ACO2: variants seen among roughly 807,000 people sequenced by gnomAD.
ACO2 encodes aconitate hydratase, mitochondrial.
Under a neutral mutation model 84.5 loss-of-function variants are expected in ACO2, and 31 were observed. That is an observed-to-expected ratio of 0.37 (90% CI 0.28 to 0.50). The LOEUF is 0.50. Among genes scored for constraint, ACO2 ranks in the 20% least tolerant of loss-of-function variants. ACO2 has a pLI of 0.97. For missense variants in ACO2, 685 were observed against 1,029.3 expected, an observed-to-expected ratio of 0.67 and a Z score of 4.58; for synonymous variants, 414 against 412.7, an observed-to-expected ratio of 1.00 and a Z score of -0.04.
At chr22:41,523,682 A>T (rs530383956) in intron 11 of ACO2, 148 bp from the exon 12 acceptor site, 6 of 702,508 alleles carry the variant, frequency 8.5e-6, no homozygotes, top group Non-Finnish European at 1.5e-5. Flanking sequence ...GCGTGGCCCC[A>T]GGAGGAGGCA....
chr22:41,480,978 T>C (rs926149554), intron 1 of ACO2, among the ~76,000 whole-genome samples: 1 of 152,052 alleles, frequency 6.6e-6, no homozygotes, highest in Non-Finnish European at 1.5e-5. Context: ...AATTTTTGTA[T>C]TTTTTTGTAG....
rs1296909113 is a variant in ACO2 at position 41,527,382 on chromosome 22, G to A, written c.2048G>A (p.Gly683Asp). 1.2e-6 allele frequency: 2 copies of A among 1,613,640 alleles called. No homozygotes were observed. Among genetic ancestry groups the A allele is most frequent in the South Asian group, 1.1e-5 (1 of 91,060 alleles). The change falls in exon 16 of 18, where the codon GGC becomes GAC. Residue 683 changes from glycine to aspartate, a missense_variant. Around this residue, in one of 5 missense-constraint regions of ACO2, gnomAD observed 174 missense variants for 236.6 expected, o/e 0.74. Transcript: ENST00000216254. ...HAALEPRHLG[G>D]RAIITKSFAR... ...GCTCTGGAGCCTCGCCACCTTGGGG[G>A]CCGGGCCATCATCACCAAGAGCTTT...
chr22:41,492,019 C>T (rs1318774580), intron 1 of ACO2, among the ~76,000 whole-genome samples: 2 of 152,166 alleles, frequency 1.3e-5, no homozygotes, highest in African/African-American at 4.8e-5. Context: ...GAGACCTGAG[C>T]TTGCATCCTG....
chr22:41,517,203 C>G, intron 6 of ACO2: 1 of 362,862 alleles, frequency 2.8e-6, no homozygotes. Flanking sequence ...GTACGTGGTG[C>G]CTGTTCAATC....
At chr22:41,509,275 A>C (rs2146117357) in intron 3 of ACO2, among the ~76,000 whole-genome samples, 1 of 152,270 alleles carries the variant, frequency 6.6e-6, no homozygotes, top group Middle Eastern at 3.4e-3. Flanking sequence ...GCACACTCAT[A>C]GCATTCAGAG....
intron 8 of ACO2, among the ~76,000 whole-genome samples, chr22:41,519,359 C>T (rs544181601): frequency 2.6e-5 from 4 of 152,310 alleles, no homozygotes; most frequent in African/African-American, 7.2e-5. Context: ...TGCTCCATCA[C>T]GTGTGGAACC....
chr22:41,490,550 G>T (rs1480601002), intron 1 of ACO2, among the ~76,000 whole-genome samples: 2 of 152,200 alleles, frequency 1.3e-5, no homozygotes, highest in African/African-American at 4.8e-5. Context: ...CAGCGCCGCG[G>T]ACAGTACCTT....
intron 1 of ACO2, 140 bp from the exon 2 acceptor site, chr22:41,499,586 G>A (rs1247795396): frequency 2.2e-6 from 2 of 912,838 alleles, no homozygotes; most frequent in African/African-American, 3.4e-5. Context: ...CTGTCCTGCA[G>A]ATGAGGAAGC....
intron 1 of ACO2, among the ~76,000 whole-genome samples, chr22:41,477,998 G>C (rs1169864028): frequency 6.6e-6 from 1 of 151,866 alleles, no homozygotes; most frequent in East Asian, 1.9e-4. Flanking sequence ...TCAGGAAGCA[G>C]AGGATGCAGT....
chr22:41,519,807 C>CAAA lies in ACO2; in HGVS notation c.1033-352_1033-350dup, dbSNP rs11426442. 3.6e-3 allele frequency among the ~76,000 whole-genome samples: 487 copies of CAAA among 134,916 alleles called. 3 individuals carry two copies. Among genetic ancestry groups the CAAA allele is most frequent in the African/African-American group, 0.012 (450 of 37,658 alleles). The allele number at this position is 134,916 out of a possible 152,430, so 88.5% of individuals were successfully genotyped here. ...TGGGCAGCAGAGCGAGACTCCATCT[C>CAAA]AAAAAAAAAAAAAAGATTCCAAAAG... On this transcript the variant is annotated intron_variant, in intron 8 of 17. Coordinates refer to ENST00000216254, the MANE Select transcript of ACO2 (RefSeq NM_001098.3).
chr22:41,523,068 T>C (rs1042307337), intron 10 of ACO2, 81 bp downstream of exon 10: 4 of 1,582,056 alleles, frequency 2.5e-6, no homozygotes, highest in African/African-American at 2.7e-5. Flanking sequence ...CAGAGGCCTG[T>C]TGGGCCGGGG....
chr22:41,520,150 C>T (rs1230307724), intron 8 of ACO2, 21 bp from the exon 9 acceptor site: 4 of 1,601,318 alleles, frequency 2.5e-6, no homozygotes, highest in East Asian at 2.2e-5. Context: ...CTTTCTTCTC[C>T]TTGCATGTTT....
rs762863172 is a variant in ACO2, at chr22:41,526,244, C to T, written c.1762-18C>T. 172 of 1,607,980 alleles carry T rather than the reference C, an allele frequency of 1.1e-4. No individual in the cohort carries two copies. Among genetic ancestry groups the T allele is most frequent in the Non-Finnish European group, 1.4e-4 (163 of 1,177,118 alleles). On this transcript the variant is annotated intron_variant, in intron 14 of 17. Transcript: ENST00000216254. ...AGGGCCATGCCCTGACCTCTGTCCT[C>T]TCTACTTACCACCCAAGGTCAAAGG...
chr22:41,495,622 A>C (rs1025967737), intron 1 of ACO2, among the ~76,000 whole-genome samples: 4 of 97,318 alleles, frequency 4.1e-5, no homozygotes, highest in African/African-American at 1.7e-4. Flanking sequence ...AGTTATTTTT[A>C]TTTCTTTTTT....
intron 1 of ACO2, among the ~76,000 whole-genome samples, chr22:41,494,957 C>T (rs751558958): frequency 1.3e-5 from 2 of 152,162 alleles, no homozygotes; most frequent in African/African-American, 2.4e-5. Context: ...TGGTCTCGAA[C>T]TCCTGACCTC....
chr22:41,524,851 C>T lies in ACO2; in HGVS notation c.1488C>T (p.Val496=). ...THAFVTSPEI[V]TALAIAGTLK... ...ACTGGCCACCTCCATTTCAGATTGTCACAGCCCTGGCCATTGCGGGAACCC... is the reference window on the plus strand; with the variant it reads ...ACTGGCCACCTCCATTTCAGATTGTTACAGCCCTGGCCATTGCGGGAACCC... The change falls in exon 13 of 18, where the codon GTC becomes GTT. Residue 496 remains valine (V), a synonymous_variant. Coordinates refer to ENST00000216254, the MANE Select transcript of ACO2 (RefSeq NM_001098.3). The T allele has an allele frequency of 1.9e-6, 3 of 1,614,168 alleles. No homozygotes were observed. Among genetic ancestry groups the T allele is most frequent in the Non-Finnish European group, 2.5e-6 (3 of 1,180,032 alleles).
intron 1 of ACO2, among the ~76,000 whole-genome samples, chr22:41,497,543 T>C (rs1166200609): frequency 6.6e-6 from 1 of 151,694 alleles, no homozygotes; most frequent in Admixed American, 6.6e-5. Context: ...GAGTTTGAAA[T>C]CAGCCTGGGC....
chr22:41,528,834 T>C lies in ACO2; in HGVS notation c.*221T>C, dbSNP rs2066661385. On this transcript the variant is annotated 3_prime_UTR_variant, in exon 18 of 18. Transcript: ENST00000216254. ...CCTATTTTGAGTTTGGTTCAGATCT[T>C]AAGCAGCTCCATGCAACTGTATTTA... 1 of 601,820 alleles carries C rather than the reference T, an allele frequency of 1.7e-6. No individual in the cohort carries two copies. 37.3% of individuals were successfully genotyped at this position (601,820 alleles called of 1,614,324 possible).
chr22:41,527,929 G>A lies in ACO2; in HGVS notation c.2115G>A (p.Leu705=). 4 of 1,614,196 alleles carry A rather than the reference G, an allele frequency of 2.5e-6. No homozygotes were observed. The highest frequency in any genetic ancestry group is 3.4e-6 in the Non-Finnish European group (4 of 1,180,018). Residue 705 remains leucine, a synonymous_variant, in exon 17 of 18, where the codon CTG becomes CTA. Coordinates refer to ENST00000216254, the MANE Select transcript of ACO2 (RefSeq NM_001098.3). ...HETNLKKQGL[L]PLTFADPADY... ...CCAACCTGAAGAAACAGGGCCTGCT[G>A]CCTCTGACCTTCGCTGACCCGGCTG...
Sources: allele counts gnomAD v4.1 joint callset (sites outside exome capture counted in the v4.1 genomes callset), GRCh38; gene constraint gnomAD v4.1.1; regional missense constraint gnomAD v4.1.1; transcripts MANE v1.5; gene names NCBI Gene and HGNC (gene_info 2026-07-23, HGNC 2026-07-21).